The following ERBB4 variants were observed in gnomAD, a reference collection of about 807,000 sequenced individuals.
The protein encoded by ERBB4 is erb-b2 receptor tyrosine kinase 4.
In ERBB4, 42 loss-of-function variants were observed where a neutral mutation model predicts 158.0. The observed-to-expected ratio is 0.27, with a 90% CI of 0.21 to 0.34. The LOEUF (loss-of-function observed/expected upper bound fraction) is 0.34, where lower values mean the gene tolerates loss of function less well. Among genes scored for constraint, ERBB4 ranks in the 10% least tolerant of loss-of-function variants. The pLI is 1.00. For synonymous variants in ERBB4, 583 were observed against 558.7 expected, an observed-to-expected ratio of 1.04 and a Z score of -0.61; for missense variants, 1,333 against 1,624.1, an observed-to-expected ratio of 0.82 and a Z score of 3.08.
Position 211,639,867 on chromosome 2 carries a change from A to AC in ERBB4, c.1947-9274dup, listed in dbSNP as rs569507644. On this transcript the variant is annotated intron_variant, in intron 16 of 27. Coordinates refer to ENST00000342788, the MANE Select transcript of ERBB4 (RefSeq NM_005235.3). ...CTCCCAAATAGCTGAGATTACAGGCACCCCCCCACCATGCCCAGCTAATGT... is the reference window on the plus strand; with the variant it reads ...CTCCCAAATAGCTGAGATTACAGGCACCCCCCCCACCATGCCCAGCTAATGT... Among the ~76,000 whole-genome samples the AC allele has an allele frequency of 1.6e-3, 244 of 151,292 alleles. 4 individuals carry two copies. Among genetic ancestry groups the AC allele is most frequent in the Admixed American group, 0.014 (218 of 15,156 alleles).
intron 1 of ERBB4, among the ~76,000 whole-genome samples, chr2:212,266,893 A>G (rs1423651532): frequency 6.6e-6 from 1 of 152,034 alleles, no homozygotes; most frequent in East Asian, 1.9e-4. Context: ...AGTATCAGAC[A>G]TTACCCACAC....
chr2:212,003,087 G>C (rs962014836), intron 2 of ERBB4, among the ~76,000 whole-genome samples: 1 of 127,320 alleles, frequency 7.9e-6, no homozygotes, highest in Admixed American at 9.1e-5. Flanking sequence ...GAGAGAGAAA[G>C]AGAGACAGAG....
chr2:211,508,680 T>C (rs968344829), intron 20 of ERBB4, among the ~76,000 whole-genome samples: 1 of 152,168 alleles, frequency 6.6e-6, no homozygotes, highest in Non-Finnish European at 1.5e-5. Context: ...TGCACACATA[T>C]GTGTATTCTA....
chr2:211,809,884 A>AT (rs918826130), intron 3 of ERBB4, among the ~76,000 whole-genome samples: 82 of 152,056 alleles, frequency 5.4e-4, no homozygotes, highest in African/African-American at 1.9e-3. Flanking sequence ...ATTCTGGTAC[A>AT]TTTTGTCTTT....
chr2:211,547,876 T>C (rs2066983415), intron 20 of ERBB4, among the ~76,000 whole-genome samples: 1 of 152,068 alleles, frequency 6.6e-6, no homozygotes, highest in African/African-American at 2.4e-5. Context: ...TTGCCATTTA[T>C]AGAAAGGAGT....
At chr2:211,387,769 C>T (rs11891727) in intron 26 of ERBB4, among the ~76,000 whole-genome samples, 176 bp downstream of exon 26, 1,739 of 152,220 alleles carry the variant, frequency 0.011, 29 homozygotes, top group African/African-American at 0.036. Context: ...ATCTCAATTT[C>T]GGATTATCAG....
Position 212,538,567 on chromosome 2 carries a change from T to C in ERBB4, c.-37A>G. 3 of 1,582,920 alleles carry C rather than the reference T, an allele frequency of 1.9e-6. No homozygotes were observed. The highest frequency in any genetic ancestry group is 2.2e-5 in the South Asian group (2 of 90,434). ...CTCAGATCCCGTGCTGACAATTACA[T>C]GTCCAAATGGCATATCCCCCTTTCG... On this transcript the variant is annotated 5_prime_UTR_variant, in exon 1 of 28. It removes an upstream start codon present in the reference 5' UTR. Transcript: ENST00000342788.
At chr2:211,693,800 C>T (rs1398870582) in intron 12 of ERBB4, among the ~76,000 whole-genome samples, 1 of 152,118 alleles carries the variant, frequency 6.6e-6, no homozygotes, top group Non-Finnish European at 1.5e-5. Flanking sequence ...ATCAGAAGTC[C>T]AAAATCCAGG....
chr2:212,524,733 C>T (rs1692353771), intron 1 of ERBB4, among the ~76,000 whole-genome samples: 1 of 151,932 alleles, frequency 6.6e-6, no homozygotes, highest in African/African-American at 2.4e-5. Context: ...TGCTGTGATA[C>T]ACTTATCTCA....
At chr2:212,221,754 G>C (rs2083297693) in intron 1 of ERBB4, among the ~76,000 whole-genome samples, 1 of 151,380 alleles carries the variant, frequency 6.6e-6, no homozygotes, top group Non-Finnish European at 1.5e-5. Context: ...TTCTGTAGGA[G>C]AGTCTCATAC....
chr2:211,523,022 T>C (rs2066230192), intron 20 of ERBB4, among the ~76,000 whole-genome samples: 1 of 150,514 alleles, frequency 6.6e-6, no homozygotes, highest in African/African-American at 2.4e-5. Context: ...TGTAGCAAAG[T>C]GAGAAATTTT....
At chr2:212,401,005 C>T (rs1463666083) in intron 1 of ERBB4, among the ~76,000 whole-genome samples, 1 of 152,104 alleles carries the variant, frequency 6.6e-6, no homozygotes, top group Non-Finnish European at 1.5e-5. Context: ...CTAGAGAATG[C>T]TATGTTTTGG....
intron 1 of ERBB4, among the ~76,000 whole-genome samples, chr2:212,328,230 G>A (rs1400852669): frequency 6.6e-6 from 1 of 151,980 alleles, no homozygotes; most frequent in Non-Finnish European, 1.5e-5. Flanking sequence ...GCATGTACCT[G>A]AGGCCTTTCT....
At chr2:212,113,644 G>A (rs144214923) in intron 2 of ERBB4, among the ~76,000 whole-genome samples, 16 of 150,222 alleles carry the variant, frequency 1.1e-4, no homozygotes, top group African/African-American at 3.7e-4. Context: ...GGGATTCTCA[G>A]GTATTCGAGG....
At chr2:211,887,662 C>T (rs1048678417) in intron 3 of ERBB4, among the ~76,000 whole-genome samples, 2 of 152,092 alleles carry the variant, frequency 1.3e-5, no homozygotes, top group African/African-American at 2.4e-5. Context: ...ATTCAGGAAC[C>T]CAGTAACTTC....
intron 20 of ERBB4, among the ~76,000 whole-genome samples, chr2:211,433,537 C>A (rs182449179): frequency 3.7e-3 from 559 of 150,128 alleles, no homozygotes; most frequent in African/African-American, 0.013. Context: ...GCCAAGATGG[C>A]GCCACTGCAC....
chr2:211,969,049 C>T (rs536289582), intron 2 of ERBB4, among the ~76,000 whole-genome samples: 69 of 152,030 alleles, frequency 4.5e-4, no homozygotes, highest in African/African-American at 1.6e-3. Flanking sequence ...GCATTAAAAA[C>T]CACAGGACAC....
chr2:211,998,547 A>AG, intron 2 of ERBB4, among the ~76,000 whole-genome samples: 1 of 139,736 alleles, frequency 7.2e-6, no homozygotes, highest in East Asian at 2.0e-4. Context: ...AAAAAAAAAA[A>AG]GAAATAATCC....
intron 7 of ERBB4, among the ~76,000 whole-genome samples, chr2:211,722,159 C>T (rs767187211): frequency 9.2e-5 from 14 of 152,154 alleles, no homozygotes; most frequent in Admixed American, 2.0e-4. Flanking sequence ...GTGCGCCCAG[C>T]CACAGTAGGA....
Sources: gnomAD v4.1 joint callset for allele counts (sites outside exome capture counted in the v4.1 genomes callset) on GRCh38, gnomAD v4.1.1 for gene constraint, MANE v1.5 for transcripts, NCBI Gene and HGNC (gene_info 2026-07-23, HGNC 2026-07-21) for gene names.